The following KCNIP4 variants were observed in gnomAD, a reference collection of about 807,000 sequenced individuals.
The protein encoded by KCNIP4 is Kv channel-interacting protein 4.
A neutral mutation model predicts 34.0 loss-of-function variants in KCNIP4; 12 were observed. That is an observed-to-expected ratio of 0.35 (90% confidence interval 0.23 to 0.57). KCNIP4 has a LOEUF of 0.57. KCNIP4 is among the 20% of genes least tolerant of loss of function. KCNIP4 has a pLI of 0.83. For missense variants in KCNIP4, 238 were observed against 311.7 expected, an observed-to-expected ratio of 0.76 and a Z score of 1.78; for synonymous variants, 124 against 102.2, an observed-to-expected ratio of 1.21 and a Z score of -1.29.
chr4:21,836,737 C>T (rs960002514), intron 1 of KCNIP4, among the ~76,000 whole-genome samples: 1 of 151,818 alleles, frequency 6.6e-6, no homozygotes, highest in Non-Finnish European at 1.5e-5. Flanking sequence ...CCAGAAGAGC[C>T]CAGCAAATGT....
chr4:21,466,029 C>T (rs1398842013), intron 1 of KCNIP4, among the ~76,000 whole-genome samples: 1 of 151,788 alleles, frequency 6.6e-6, no homozygotes, highest in Non-Finnish European at 1.5e-5. Context: ...ATGAACTGAC[C>T]ACCTGGTACT....
intron 1 of KCNIP4, among the ~76,000 whole-genome samples, chr4:21,937,855 C>T (rs1398094803): frequency 2.0e-5 from 3 of 152,056 alleles, no homozygotes; most frequent in South Asian, 2.1e-4. Flanking sequence ...CAAGTCTCTG[C>T]CTGCTGTTTT....
Position 20,864,155 on chromosome 4 carries a change from CATACACATGTATGT to C in KCNIP4, c.164-13502_164-13489del, listed in dbSNP as rs1286762501. On this transcript the variant is annotated intron_variant, in intron 2 of 8. Transcript: ENST00000382152. ...ATGTATGTATACATATCCATGTATG[CATACACATGTATGT>C]ATACACATGTATGTATGCGTACATA... 3.2e-3 allele frequency among the ~76,000 whole-genome samples: 277 copies of C among 87,234 alleles called. 1 individual carries two copies. Among genetic ancestry groups the C allele is most frequent in the African/African-American group, 7.8e-3 (254 of 32,624 alleles). The allele number at this position is 87,234 out of a possible 152,430, so 57.2% of individuals were successfully genotyped here. A position where few individuals can be genotyped will look rare whatever the true frequency, so the allele number is the denominator to read the frequency against.
At chr4:21,079,682 A>C (rs1366605492) in intron 1 of KCNIP4, among the ~76,000 whole-genome samples, 5 of 151,904 alleles carry the variant, frequency 3.3e-5, no homozygotes, top group Non-Finnish European at 7.4e-5. Context: ...AAATGGAATT[A>C]AGGTTGCTAA....
At chr4:21,750,209 G>C (rs559038581) in intron 1 of KCNIP4, among the ~76,000 whole-genome samples, 1 of 152,132 alleles carries the variant, frequency 6.6e-6, no homozygotes, top group African/African-American at 2.4e-5. Flanking sequence ...CAGTATTACA[G>C]GGCTTATGTT....
intron 1 of KCNIP4, among the ~76,000 whole-genome samples, chr4:21,011,730 C>A (rs1404034900): frequency 2.6e-5 from 4 of 152,194 alleles, no homozygotes; most frequent in African/African-American, 9.7e-5. Flanking sequence ...ACTACTCTTT[C>A]AACTTTGACC....
intron 1 of KCNIP4, among the ~76,000 whole-genome samples, chr4:21,099,812 A>G (rs972369135): frequency 5.3e-5 from 8 of 152,156 alleles, no homozygotes; most frequent in African/African-American, 1.9e-4. Flanking sequence ...GGAGTTTGGA[A>G]GATGTTGATT....
At chr4:21,631,698 C>T (rs1241628054) in intron 1 of KCNIP4, among the ~76,000 whole-genome samples, 2 of 152,252 alleles carry the variant, frequency 1.3e-5, no homozygotes, top group East Asian at 3.9e-4. Flanking sequence ...TCTTTATGTG[C>T]CCATATTCTG....
chr4:21,769,200 T>C (rs372414272), intron 1 of KCNIP4, among the ~76,000 whole-genome samples: 13 of 152,212 alleles, frequency 8.5e-5, no homozygotes, highest in African/African-American at 2.9e-4. Flanking sequence ...TCCAATCATA[T>C]CCTGAAGGAA....
chr4:21,010,515 C>A (rs1738975179), intron 1 of KCNIP4, among the ~76,000 whole-genome samples: 1 of 152,060 alleles, frequency 6.6e-6, no homozygotes, highest in Non-Finnish European at 1.5e-5. Flanking sequence ...AAATCCCTGA[C>A]CTTTATGCGA....
At chr4:20,819,730 A>C (rs1716870185) in intron 3 of KCNIP4, among the ~76,000 whole-genome samples, 1 of 152,184 alleles carries the variant, frequency 6.6e-6, no homozygotes, top group African/African-American at 2.4e-5. Context: ...GTGCTGTTAC[A>C]TGAGAGGTTG....
intron 5 of KCNIP4, among the ~76,000 whole-genome samples, chr4:20,746,659 GC>G (rs1752490107): frequency 6.6e-6 from 1 of 152,086 alleles, no homozygotes; most frequent in Non-Finnish European, 1.5e-5. Flanking sequence ...TTATTAAGTA[GC>G]TTTGATTGCT....
intron 1 of KCNIP4, among the ~76,000 whole-genome samples, chr4:21,102,440 T>A (rs1461521204): frequency 6.6e-6 from 1 of 152,156 alleles, no homozygotes; most frequent in Non-Finnish European, 1.5e-5. Context: ...GGTTAGAAGA[T>A]AATGAGGCCA....
chr4:21,747,658 A>G (rs1716864793), intron 1 of KCNIP4, among the ~76,000 whole-genome samples: 1 of 152,118 alleles, frequency 6.6e-6, no homozygotes, highest in South Asian at 2.1e-4. Flanking sequence ...GACTCAAACT[A>G]TGTTCATTAA....
chr4:21,399,416 A>C (rs2109544472), intron 1 of KCNIP4, among the ~76,000 whole-genome samples: 1 of 152,372 alleles, frequency 6.6e-6, no homozygotes, highest in African/African-American at 2.4e-5. Flanking sequence ...AAGCCATTAG[A>C]GTAGAAGCCA....
intron 1 of KCNIP4, among the ~76,000 whole-genome samples, chr4:21,891,970 G>A (rs1237365487): frequency 6.6e-6 from 1 of 152,002 alleles, no homozygotes; most frequent in African/African-American, 2.4e-5. Context: ...AGTTTGGAAG[G>A]GAAAGGCTGG....
chr4:21,440,864 C>A (rs1727408613), intron 1 of KCNIP4, among the ~76,000 whole-genome samples: 1 of 152,020 alleles, frequency 6.6e-6, no homozygotes, highest in South Asian at 2.1e-4. Context: ...CAAAACAAAC[C>A]AGCCTAACTC....
At chr4:21,757,099 AAAAGAAAG>A (rs1240357604) in intron 1 of KCNIP4, among the ~76,000 whole-genome samples, 34 of 109,898 alleles carry the variant, frequency 3.1e-4, no homozygotes, top group Admixed American at 2.1e-3. Flanking sequence ...CTGTCTCAAA[AAAAGAAAG>A]AAAGAAAGAA....
intron 1 of KCNIP4, among the ~76,000 whole-genome samples, chr4:21,817,454 TAAC>T (rs1000270398): frequency 6.6e-6 from 1 of 152,032 alleles, no homozygotes; most frequent in Non-Finnish European, 1.5e-5. Context: ...AAGAACAGAA[TAAC>T]AACGATTTTT....
Sources: allele counts gnomAD v4.1 joint callset (sites outside exome capture counted in the v4.1 genomes callset), GRCh38; gene constraint gnomAD v4.1.1; transcripts MANE v1.5; gene names NCBI Gene and HGNC (gene_info 2026-07-23, HGNC 2026-07-21).